Variants in ADAMTS19 observed in about 807,000 individuals in gnomAD.
The protein encoded by ADAMTS19 is ADAM metallopeptidase with thrombospondin type 1 motif 19.
A neutral mutation model predicts 153.3 loss-of-function variants in ADAMTS19; 93 were observed. The ratio of observed to expected loss-of-function variants is 0.61; its 90% CI spans 0.51 to 0.72. The LOEUF (loss-of-function observed/expected upper bound fraction) is 0.72. Among genes scored for constraint, ADAMTS19 ranks in the 30% least tolerant of loss-of-function variants. The probability of loss-of-function intolerance (pLI) is 0.00; values close to 1 mark genes in which losing one functional copy is unlikely to be tolerated. For missense variants in ADAMTS19, 1,482 were observed against 1,552.1 expected (o/e 0.95, Z 0.76); for synonymous variants, 600 against 556.6 (o/e 1.08, Z -1.10).
intron 2 of ADAMTS19, among the ~76,000 whole-genome samples, chr5:129,464,667 G>A (rs891082436): frequency 6.6e-6 from 1 of 152,180 alleles, no homozygotes; most frequent in Non-Finnish European, 1.5e-5. Context: ...TGTTATCAAA[G>A]GATAAGTGCC....
chr5:129,463,495 A>G (rs1391485862), intron 2 of ADAMTS19, among the ~76,000 whole-genome samples: 1 of 152,198 alleles, frequency 6.6e-6, no homozygotes, highest in Non-Finnish European at 1.5e-5. Context: ...CCTATTAGCT[A>G]CATATGTATA....
At chr5:129,609,198 G>A (rs543910734) in intron 8 of ADAMTS19, among the ~76,000 whole-genome samples, 71 of 152,306 alleles carry the variant, frequency 4.7e-4, no homozygotes, top group South Asian at 2.3e-3. Flanking sequence ...GAGGGAAAGT[G>A]CATTATTAGA....
chr5:129,623,713 C>T (rs928398929), intron 10 of ADAMTS19, among the ~76,000 whole-genome samples: 2 of 152,088 alleles, frequency 1.3e-5, no homozygotes, highest in Non-Finnish European at 2.9e-5. Context: ...GTGAGTTTCT[C>T]CAGCATCTAG....
At chr5:129,621,589 A>G (rs1157748150) in intron 9 of ADAMTS19, among the ~76,000 whole-genome samples, 1 of 152,192 alleles carries the variant, frequency 6.6e-6, no homozygotes, top group Non-Finnish European at 1.5e-5. Context: ...AGCATGTGAT[A>G]TTTCAGACAC....
intron 2 of ADAMTS19, among the ~76,000 whole-genome samples, chr5:129,468,105 T>A (rs1749934720): frequency 6.6e-6 from 1 of 152,206 alleles, no homozygotes; most frequent in African/African-American, 2.4e-5. Context: ...TATTTTCCTA[T>A]TAAGAACAAG....
chr5:129,711,014 A>C (rs17163042), intron 21 of ADAMTS19, among the ~76,000 whole-genome samples: 6,245 of 152,268 alleles, frequency 0.041, 405 homozygotes, highest in African/African-American at 0.14. Context: ...GCCTATACTG[A>C]CCAATGATGG....
intron 11 of ADAMTS19, among the ~76,000 whole-genome samples, chr5:129,647,005 T>G (rs1477626709): frequency 1.3e-5 from 2 of 152,076 alleles, no homozygotes; most frequent in African/African-American, 2.4e-5. Flanking sequence ...ATTGCTTTTG[T>G]TTTCAGTGAA....
At chr5:129,704,458 A>G in intron 21 of ADAMTS19, 67 bp downstream of exon 21, 1 of 1,541,332 alleles carries the variant, frequency 6.5e-7, no homozygotes. Context: ...TGGGTACTAT[A>G]ACCACATAGC....
intron 6 of ADAMTS19, among the ~76,000 whole-genome samples, chr5:129,545,949 C>A (rs1202883467): frequency 1.3e-5 from 2 of 148,584 alleles, no homozygotes; most frequent in East Asian, 1.9e-4. Flanking sequence ...ATGTTTATTG[C>A]GGCACTATTC....
At chr5:129,652,195 C>T (rs962279979) in intron 13 of ADAMTS19, among the ~76,000 whole-genome samples, 1 of 152,118 alleles carries the variant, frequency 6.6e-6, no homozygotes, top group African/African-American at 2.4e-5. Flanking sequence ...TTTTGCAACA[C>T]GTATCAATCA....
At chr5:129,593,559 C>T (rs1750244369) in intron 7 of ADAMTS19, among the ~76,000 whole-genome samples, 1 of 152,018 alleles carries the variant, frequency 6.6e-6, no homozygotes, top group Non-Finnish European at 1.5e-5. Flanking sequence ...GTATTCTTTT[C>T]TCCAAATTAT....
intron 2 of ADAMTS19, among the ~76,000 whole-genome samples, chr5:129,474,835 A>T (rs1750174267): frequency 6.6e-6 from 1 of 152,132 alleles, no homozygotes; most frequent in Admixed American, 6.5e-5. Flanking sequence ...CTAGTAACTA[A>T]TTATATTGAG....
At chr5:129,672,449 C>G (rs1561640931) in intron 16 of ADAMTS19, among the ~76,000 whole-genome samples, 1 of 152,110 alleles carries the variant, frequency 6.6e-6, no homozygotes, top group Non-Finnish European at 1.5e-5. Flanking sequence ...ATACTTGATT[C>G]TGGTAAGCAG....
chr5:129,678,726 T>C (rs1754660757), intron 16 of ADAMTS19, among the ~76,000 whole-genome samples: 1 of 152,188 alleles, frequency 6.6e-6, no homozygotes, highest in Admixed American at 6.5e-5. Context: ...GTTCCAAATC[T>C]GGATATTTAA....
Position 129,476,454 on chromosome 5 carries a change from C to T in ADAMTS19, c.747+14697C>T, listed in dbSNP as rs544555913. The stretch of plus-strand genomic sequence containing the variant: ...GACCAAAGTTGTTAGGGTCAGGGTT[C>T]AAATCAAGCAAACAAATACGGACAA... On this transcript the variant is annotated intron_variant, in intron 2 of 22. Coordinates refer to ENST00000274487, the MANE Select transcript of ADAMTS19 (RefSeq NM_133638.6). Among the ~76,000 whole-genome samples the T allele has an allele frequency of 5.9e-5, 9 of 152,022 alleles. No individual in the cohort carries two copies. In the South Asian group the frequency reaches 1.9e-3, roughly 32 times the overall value.
chr5:129,736,040 A>G (rs962004436), intron 22 of ADAMTS19, among the ~76,000 whole-genome samples: 9 of 152,076 alleles, frequency 5.9e-5, no homozygotes, highest in Admixed American at 5.3e-4. Flanking sequence ...AAATACAAAA[A>G]TTCTCTTTTT....
intron 16 of ADAMTS19, among the ~76,000 whole-genome samples, chr5:129,672,118 G>A (rs30663): frequency 0.59 from 89,773 of 151,736 alleles, 27,700 homozygotes; most frequent in Non-Finnish European, 0.69. Flanking sequence ...CTTCTGAATT[G>A]CATACTGCCG....
chr5:129,573,843 G>A lies in ADAMTS19; in HGVS notation c.1372+21936G>A, dbSNP rs192285443. Among the ~76,000 whole-genome samples the A allele has an allele frequency of 4.7e-3, 704 of 150,514 alleles. 6 individuals are homozygous for A. The highest frequency in any genetic ancestry group is 0.016 in the African/African-American group (644 of 40,020). ...TTGCTTCTATTAAAAATGTTTTGAT[G>A]GTGCTATTAAATAATATATGAATAT... is the stretch of plus-strand genomic sequence containing the variant. On this transcript the variant is annotated intron_variant, in intron 7 of 22. Transcript: ENST00000274487.
At chr5:129,477,216 T>C (rs1000251115) in intron 2 of ADAMTS19, among the ~76,000 whole-genome samples, 3 of 152,188 alleles carry the variant, frequency 2.0e-5, no homozygotes, top group African/African-American at 4.8e-5. Flanking sequence ...TCAGGAGAGA[T>C]GTTTTCGAAT....
Sources: allele counts gnomAD v4.1 joint callset (sites outside exome capture counted in the v4.1 genomes callset), GRCh38; gene constraint gnomAD v4.1.1; transcripts MANE v1.5; gene names NCBI Gene and HGNC (gene_info 2026-07-23, HGNC 2026-07-21).